Variants in NAALADL2 observed in about 807,000 individuals in gnomAD.
NAALADL2 encodes the protein N-acetylated alpha-linked acidic dipeptidase like 2.
Under a neutral mutation model 87.2 loss-of-function variants are expected in NAALADL2, and 76 were observed. The ratio of observed to expected loss-of-function variants is 0.87; its 90% confidence interval spans 0.72 to 1.05. The LOEUF (loss-of-function observed/expected upper bound fraction) is 1.05, where lower values mean the gene tolerates loss of function less well. Ranked by LOEUF, NAALADL2 falls within the 50% of genes least tolerant of loss-of-function variation. The probability of loss-of-function intolerance (pLI) is 0.00; values close to 1 mark genes in which losing one functional copy is unlikely to be tolerated. For missense variants in NAALADL2, 1,089 were observed against 945.8 expected (o/e 1.15, Z -1.99); for synonymous variants, 354 against 331.0 (o/e 1.07, Z -0.75).
intron 11 of NAALADL2, among the ~76,000 whole-genome samples, chr3:175,679,620 T>A: frequency 6.6e-6 from 1 of 152,196 alleles, no homozygotes; most frequent in East Asian, 1.9e-4. Context: ...AGGGTTTAAT[T>A]CTATAGTTCT....
chr3:174,991,972 A>G (rs531244328), intron 1 of NAALADL2, among the ~76,000 whole-genome samples: 54 of 152,026 alleles, frequency 3.6e-4, no homozygotes, highest in Non-Finnish European at 7.2e-4. Context: ...ACCTTAATAA[A>G]TATAAATTAT....
At chr3:174,698,443 G>T (rs1057157222) in intron 2 of NAALADL2, among the ~76,000 whole-genome samples, 2 of 152,046 alleles carry the variant, frequency 1.3e-5, no homozygotes, top group Non-Finnish European at 2.9e-5. Flanking sequence ...TTTCATAGTC[G>T]CCATTAAGAA....
intron 3 of NAALADL2, among the ~76,000 whole-genome samples, chr3:174,777,714 G>A (rs1218745085): frequency 6.6e-6 from 1 of 152,184 alleles, no homozygotes; most frequent in East Asian, 1.9e-4. Context: ...TAAAAGAAAT[G>A]AAAAATATAG....
At chr3:174,758,646 A>C (rs1231887079) in intron 3 of NAALADL2, among the ~76,000 whole-genome samples, 1 of 152,198 alleles carries the variant, frequency 6.6e-6, no homozygotes, top group Non-Finnish European at 1.5e-5. Context: ...CTTTTGCCTT[A>C]CAATCGACTG....
chr3:175,699,749 A>C (rs1738723482), intron 11 of NAALADL2, among the ~76,000 whole-genome samples: 1 of 152,160 alleles, frequency 6.6e-6, no homozygotes, highest in African/African-American at 2.4e-5. Context: ...ACAATTAGAA[A>C]GATATTTTTA....
At chr3:174,513,289 A>G (rs1337369944) in intron 1 of NAALADL2, among the ~76,000 whole-genome samples, 2 of 152,132 alleles carry the variant, frequency 1.3e-5, no homozygotes, top group Non-Finnish European at 2.9e-5. Context: ...TTGAATTTCA[A>G]TGACATGCTG....
intron 13 of NAALADL2, among the ~76,000 whole-genome samples, chr3:175,785,068 A>C (rs1378223323): frequency 6.6e-6 from 1 of 151,032 alleles, no homozygotes; most frequent in Non-Finnish European, 1.5e-5. Context: ...GGTCTGAGAG[A>C]TAGTTTGTTA....
At chr3:175,506,398 A>G (rs1560671362) in intron 9 of NAALADL2, among the ~76,000 whole-genome samples, 1 of 152,196 alleles carries the variant, frequency 6.6e-6, no homozygotes, top group Non-Finnish European at 1.5e-5. Flanking sequence ...ATTTTCGATA[A>G]TATTGTACAA....
intron 13 of NAALADL2, among the ~76,000 whole-genome samples, chr3:175,756,995 A>AT (rs916960022): frequency 6.6e-6 from 1 of 151,166 alleles, no homozygotes; most frequent in South Asian, 2.1e-4. Flanking sequence ...GTGTATATAT[A>AT]TTTTTTATAT....
intron 2 of NAALADL2, among the ~76,000 whole-genome samples, chr3:175,229,442 T>G (rs1744626190): frequency 6.6e-6 from 1 of 152,048 alleles, no homozygotes; most frequent in Non-Finnish European, 1.5e-5. Flanking sequence ...GACCAAACAC[T>G]TGACCATTAT....
At chr3:174,909,292 G>A (rs151131007) in intron 1 of NAALADL2, among the ~76,000 whole-genome samples, 198 of 152,114 alleles carry the variant, frequency 1.3e-3, no homozygotes, top group African/African-American at 4.5e-3. Context: ...TACTTGGAAG[G>A]CTGAGACAGG....
chr3:175,121,436 A>G (rs1306122903), intron 2 of NAALADL2, among the ~76,000 whole-genome samples: 1 of 151,866 alleles, frequency 6.6e-6, no homozygotes, highest in Non-Finnish European at 1.5e-5. Context: ...GGTGAAGAGC[A>G]GAAACTCATT....
chr3:175,755,283 T>A lies in NAALADL2; in HGVS notation c.2054T>A (p.Leu685His), dbSNP rs767186269. 1.2e-6 allele frequency: 2 copies of A among 1,613,536 alleles called. No homozygotes were observed. The highest frequency in any genetic ancestry group is 1.7e-6 in the Non-Finnish European group (2 of 1,179,690). ...MALRLRESAE[L>H]FQSDEMRPAN... is the part of the protein sequence containing the mutation. The stretch of plus-strand genomic sequence containing the variant: ...TTACGCCTGCGGGAGAGTGCTGAAC[T>A]TTTTCAGTCTGATGAGATGCGACCT... The change falls in exon 13 of 14, where the codon CTT becomes CAT. Residue 685 changes from leucine (L) to histidine (H), a missense_variant. By Grantham distance (99) the Leu-to-His change is moderately conservative. Coordinates refer to ENST00000454872, the MANE Select transcript of NAALADL2 (RefSeq NM_207015.3).
chr3:175,470,743 A>G (rs1724742154), intron 8 of NAALADL2, among the ~76,000 whole-genome samples: 1 of 152,166 alleles, frequency 6.6e-6, no homozygotes, highest in African/African-American at 2.4e-5. Context: ...GTGGTGTTCA[A>G]TTTTGTGTGG....
chr3:175,197,398 C>G (rs974428874), intron 2 of NAALADL2, among the ~76,000 whole-genome samples: 1 of 151,834 alleles, frequency 6.6e-6, no homozygotes, highest in African/African-American at 2.4e-5. Flanking sequence ...CATGACACAG[C>G]TTTTTTTCTA....
chr3:174,852,250 G>T (rs771709806), intron 3 of NAALADL2, among the ~76,000 whole-genome samples: 2 of 152,076 alleles, frequency 1.3e-5, no homozygotes, highest in Non-Finnish European at 2.9e-5. Flanking sequence ...AGAAATAAAG[G>T]CATCCGAATT....
chr3:174,965,587 T>C (rs1305903886), intron 1 of NAALADL2, among the ~76,000 whole-genome samples: 1 of 151,976 alleles, frequency 6.6e-6, no homozygotes, highest in African/African-American at 2.4e-5. Context: ...AGATATACAA[T>C]GAAATATTTT....
chr3:175,407,816 C>T (rs545589310), intron 5 of NAALADL2, among the ~76,000 whole-genome samples: 7 of 152,216 alleles, frequency 4.6e-5, no homozygotes, highest in East Asian at 1.9e-4. Flanking sequence ...ATTGATTTCA[C>T]GATTAAGTTC....
chr3:174,548,013 G>A (rs1206793109), intron 1 of NAALADL2, among the ~76,000 whole-genome samples: 1 of 152,154 alleles, frequency 6.6e-6, no homozygotes, highest in South Asian at 2.1e-4. Context: ...GTAAATATGT[G>A]CAATCTTTTT....
Sources: gnomAD v4.1 joint callset for allele counts (sites outside exome capture counted in the v4.1 genomes callset) on GRCh38, gnomAD v4.1.1 for gene constraint, MANE v1.5 for transcripts, NCBI Gene and HGNC (gene_info 2026-07-23, HGNC 2026-07-21) for gene names.